Variants in PPIL6 observed in about 807,000 individuals in gnomAD.
PPIL6 encodes the protein probable inactive peptidyl-prolyl cis-trans isomerase-like 6.
Under a neutral mutation model 36.8 loss-of-function variants are expected in PPIL6, and 39 were observed. The ratio of observed to expected loss-of-function variants is 1.06; its 90% confidence interval spans 0.82 to 1.38. The LOEUF (loss-of-function observed/expected upper bound fraction) is 1.38. PPIL6 is among the 40% of genes most tolerant of loss of function. PPIL6 has a pLI of 0.00. For synonymous variants in PPIL6, 123 were observed against 134.1 expected (o/e 0.92, Z 0.57); for missense variants, 368 against 379.1 (o/e 0.97, Z 0.24).
At chr6:109,410,526 T>A (rs1582547594) in intron 6 of PPIL6, among the ~76,000 whole-genome samples, 1 of 152,094 alleles carries the variant, frequency 6.6e-6, no homozygotes, top group Non-Finnish European at 1.5e-5. Flanking sequence ...AAAATAGTGA[T>A]CTTCAAATCC....
upstream of PPIL6, chr6:109,441,067 C>T (rs1774847799): frequency 6.3e-7 from 1 of 1,593,880 alleles, no homozygotes; most frequent in African/African-American, 1.3e-5. Flanking sequence ...CCCGTCCCCA[C>T]CGCGGCCGTC....
Position 109,392,124 on chromosome 6 carries a change from G to A in PPIL6, c.*702C>T, listed in dbSNP as rs541514119. On this transcript the variant is annotated 3_prime_UTR_variant, in exon 8 of 8. Coordinates refer to ENST00000521072, the MANE Select transcript of PPIL6 (RefSeq NM_173672.5). Reference sequence around the variant, plus strand: ...AGAAGTCCAGAGTAGGTGGTTGCTGGTATTGGTCCCGCAGCTCAAGAGACT... The same window carrying A: ...AGAAGTCCAGAGTAGGTGGTTGCTGATATTGGTCCCGCAGCTCAAGAGACT... 1.3e-5 allele frequency: 2 copies of A among 152,274 alleles called. No individual in the cohort carries two copies. The highest frequency in any genetic ancestry group is 4.1e-4 in the South Asian group (2 of 4,824). 9.4% of individuals were successfully genotyped at this position (152,274 alleles called of 1,614,324 possible).
chr6:109,409,149 G>T (rs1772912254), intron 6 of PPIL6, among the ~76,000 whole-genome samples: 1 of 152,180 alleles, frequency 6.6e-6, no homozygotes, highest in South Asian at 2.1e-4. Flanking sequence ...AAAAGCATTT[G>T]ATAAAATTCA....
rs955728942 is a variant in PPIL6, at chr6:109,391,453, T to A, written c.*1373A>T. ...TGGGGACTGGAACCAGTTCCTTATG[T>A]CTTGCAGTGATTCCCAGATGACTAG... On this transcript the variant is annotated 3_prime_UTR_variant, in exon 8 of 8. Coordinates refer to ENST00000521072, the MANE Select transcript of PPIL6 (RefSeq NM_173672.5). 8.5e-5 allele frequency: 13 copies of A among 152,082 alleles called. No homozygotes were observed. Among genetic ancestry groups the A allele is most frequent in the African/African-American group, 2.9e-4 (12 of 41,396 alleles). 9.4% of individuals were successfully genotyped at this position (152,082 alleles called of 1,614,324 possible).
intron 6 of PPIL6, among the ~76,000 whole-genome samples, chr6:109,405,907 A>C (rs1331776176): frequency 2.6e-5 from 4 of 152,122 alleles, no homozygotes; most frequent in Admixed American, 2.6e-4. Context: ...CATATGTAAA[A>C]CTGTATTGCT....
chr6:109,431,256 T>C lies in PPIL6; in HGVS notation c.321A>G (p.Lys107=). The C allele has an allele frequency of 6.2e-7, 1 of 1,612,944 alleles. No individual in the cohort carries two copies. The highest frequency in any genetic ancestry group is 8.5e-7 in the Non-Finnish European group (1 of 1,179,050). ...CTATATCCCACACCTCGTGGGCCCA[T>C]TTCTGCAGATCCAATGCATCACCCA... The part of the protein sequence containing the change: ...QFLGDALDLQ[K]WAHEVWDIVD... Residue 107 remains lysine, a synonymous_variant, in exon 3 of 8, where the codon AAA becomes AAG. Coordinates refer to ENST00000521072, the MANE Select transcript of PPIL6 (RefSeq NM_173672.5).
At chr6:109,427,834 G>A (rs533841356) in intron 3 of PPIL6, among the ~76,000 whole-genome samples, 16 of 152,332 alleles carry the variant, frequency 1.1e-4, no homozygotes. Flanking sequence ...GAAGAAAACA[G>A]ACAGGGGATT....
Position 109,392,145 on chromosome 6 carries a change from A to C in PPIL6, c.*681T>G, listed in dbSNP as rs928421336. 11 of 152,140 alleles carry C rather than the reference A, an allele frequency of 7.2e-5. No individual in the cohort carries two copies. The highest frequency in any genetic ancestry group is 6.5e-4 in the Admixed American group (10 of 15,276). 9.4% of individuals were successfully genotyped at this position (152,140 alleles called of 1,614,324 possible). On this transcript the variant is annotated 3_prime_UTR_variant, in exon 8 of 8. Coordinates refer to ENST00000521072, the MANE Select transcript of PPIL6 (RefSeq NM_173672.5). ...GCTGGTATTGGTCCCGCAGCTCAAGAGACTGGGGCTGACATCTCTGCAGTA... is the reference window on the plus strand; with the variant it reads ...GCTGGTATTGGTCCCGCAGCTCAAGCGACTGGGGCTGACATCTCTGCAGTA...
At chr6:109,440,410 G>C (rs905082916) in intron 1 of PPIL6, 46 bp downstream of exon 1, 3 of 1,528,838 alleles carry the variant, frequency 2.0e-6, no homozygotes, top group African/African-American at 2.8e-5. Context: ...GGCCGAGAGC[G>C]GGTAGCGGGG....
intron 3 of PPIL6, 104 bp from the exon 4 acceptor site, chr6:109,427,260 T>G: frequency 1.5e-6 from 1 of 687,312 alleles, no homozygotes; most frequent in Non-Finnish European, 2.5e-6. Context: ...AGTGAAAAGA[T>G]TTCAATAACA....
At chr6:109,418,793 C>A (rs748130940) in intron 6 of PPIL6, among the ~76,000 whole-genome samples, 2 of 152,126 alleles carry the variant, frequency 1.3e-5, no homozygotes, top group South Asian at 4.1e-4. Context: ...CCACCCACCT[C>A]GGCCTCCCAA....
At position 109,390,268 on chromosome 6, in the gene PPIL6, A is replaced by T. The variant is rs1163011937; in HGVS notation, c.*2558T>A. On this transcript the variant is annotated 3_prime_UTR_variant, in exon 8 of 8. Coordinates refer to ENST00000521072, the MANE Select transcript of PPIL6 (RefSeq NM_173672.5). ...TAAATTTATCGAGTGCTTACAGCAG[A>T]CCAGGTCTCTTATAGGTTCTTTATA... 1 of 152,232 alleles carries T rather than the reference A, an allele frequency of 6.6e-6. No individual in the cohort carries two copies. The highest frequency in any genetic ancestry group is 1.5e-5 in the Non-Finnish European group (1 of 68,046). 9.4% of individuals were successfully genotyped at this position (152,232 alleles called of 1,614,324 possible). A position where few individuals can be genotyped will look rare whatever the true frequency, so the allele number is the denominator to read the frequency against.
At chr6:109,409,880 T>C (rs369998447) in intron 6 of PPIL6, among the ~76,000 whole-genome samples, 2 of 152,186 alleles carry the variant, frequency 1.3e-5, no homozygotes, top group South Asian at 2.1e-4. Flanking sequence ...GCCCCAAAAA[T>C]GGAAAGCTAT....
At chr6:109,425,854 G>A (rs1476451510) in intron 5 of PPIL6, among the ~76,000 whole-genome samples, 1 of 151,138 alleles carries the variant, frequency 6.6e-6, no homozygotes, top group Admixed American at 6.6e-5. Context: ...GACCCCTTGA[G>A]AAATGTTTTA....
chr6:109,440,831 CCG>C, upstream of PPIL6: 1 of 401,764 alleles, frequency 2.5e-6, no homozygotes. Context: ...GGGGCGCTCT[CCG>C]GACCCCCAGG....
intron 5 of PPIL6, among the ~76,000 whole-genome samples, chr6:109,423,879 C>G (rs964047352): frequency 1.3e-5 from 2 of 152,188 alleles, no homozygotes; most frequent in African/African-American, 4.8e-5. Flanking sequence ...TTCTTACACT[C>G]TCTTCCTTCT....
chr6:109,395,906 G>A (rs902039160), intron 7 of PPIL6, among the ~76,000 whole-genome samples: 10 of 144,320 alleles, frequency 6.9e-5, no homozygotes, highest in Admixed American at 1.5e-4. Context: ...TGCGATCTCC[G>A]CTCACTGCAA....
In PPIL6 at chr6:109,392,766, C is replaced by A; in HGVS notation, c.*60G>T. On this transcript the variant is annotated 3_prime_UTR_variant, in exon 8 of 8. Coordinates refer to ENST00000521072, the MANE Select transcript of PPIL6 (RefSeq NM_173672.5). Reference sequence around the variant, plus strand: ...TTTATCAAGTACTTTTTAATTAAATCCACAAACAGCTGATCAGATACAAAG... The same window carrying A: ...TTTATCAAGTACTTTTTAATTAAATACACAAACAGCTGATCAGATACAAAG... 1.9e-6 allele frequency: 2 copies of A among 1,039,882 alleles called. No individual in the cohort carries two copies. Among genetic ancestry groups the A allele is most frequent in the Admixed American group, 2.3e-5 (1 of 44,186 alleles). 64.4% of individuals were successfully genotyped at this position (1,039,882 alleles called of 1,614,324 possible).
At chr6:109,417,626 G>C (rs1007125051) in intron 6 of PPIL6, among the ~76,000 whole-genome samples, 1 of 152,160 alleles carries the variant, frequency 6.6e-6, no homozygotes, top group Non-Finnish European at 1.5e-5. Flanking sequence ...ATGTAGTCAT[G>C]TTTAAAAAAT....
Sources: allele counts gnomAD v4.1 joint callset (sites outside exome capture counted in the v4.1 genomes callset), GRCh38; gene constraint gnomAD v4.1.1; transcripts MANE v1.5; gene names NCBI Gene and HGNC (gene_info 2026-07-23, HGNC 2026-07-21).